The following ZNF417 variants were observed in gnomAD, a reference collection of about 807,000 sequenced individuals.
ZNF417 encodes the protein zinc finger protein 417.
Under a neutral mutation model 7.4 loss-of-function variants are expected in ZNF417, and 5 were observed. The observed-to-expected ratio is 0.68, with a 90% confidence interval of 0.35 to 1.43. The LOEUF (loss-of-function observed/expected upper bound fraction) is 1.43, where lower values mean the gene tolerates loss of function less well. ZNF417 is among the 40% of genes most tolerant of loss of function. The probability of loss-of-function intolerance (pLI) is 0.04; values close to 1 mark genes in which losing one functional copy is unlikely to be tolerated. For synonymous variants in ZNF417, 147 were observed against 239.1 expected (o/e 0.61, Z 3.55); for missense variants, 437 against 697.3 (o/e 0.63, Z 4.20).
chr19:57,914,581 G>A (rs1034418469), intron 1 of ZNF417, among the ~76,000 whole-genome samples: 14 of 149,370 alleles, frequency 9.4e-5, no homozygotes, highest in East Asian at 6.0e-4. Context: ...GATTTGCCAC[G>A]TATCTGATCC....
At position 57,916,077 on chromosome 19, in the gene ZNF417, G is replaced by T. The variant is rs545228858; in HGVS notation, c.33+302C>A. On this transcript the variant is annotated intron_variant, in intron 1 of 2. Transcript: ENST00000312026. Reference sequence around the variant, plus strand: ...CCGGAATGCTAATGGAGACTGATTTGAGTAATAATAAAACTCCTGTCTCCA... The same window carrying T: ...CCGGAATGCTAATGGAGACTGATTTTAGTAATAATAAAACTCCTGTCTCCA... Among the ~76,000 whole-genome samples, 541 of 152,358 alleles carry T rather than the reference G, an allele frequency of 3.6e-3. 3 individuals carry two copies. Among genetic ancestry groups the T allele is most frequent in the Non-Finnish European group, 6.4e-3 (438 of 68,040 alleles).
At chr19:57,911,070 T>C (rs2071894991) in intron 2 of ZNF417, among the ~76,000 whole-genome samples, 1 of 152,222 alleles carries the variant, frequency 6.6e-6, no homozygotes, top group Non-Finnish European at 1.5e-5. Context: ...TAGAAGCATA[T>C]GTCAAGACCA....
chr19:57,908,923 A>G lies in ZNF417; in HGVS notation c.1355T>C (p.Leu452Pro), dbSNP rs1446426398. ...TCCAGTGTGAACTCTCTCATGAACG[A>G]GAAGATGATACTTCCTGTTAAATAA... ...GKLFNRKYHL[L>P]VHERVHTGER... is the part of the protein sequence containing the mutation. The change falls in exon 3 of 3, where the codon CTC becomes CCC. Residue 452 changes from leucine to proline, a missense_variant. Physicochemically the swap from Leu to Pro is moderately conservative, Grantham distance 98. This residue lies in a region of ZNF417 where 233 missense variants were observed against 235.5 expected (regional missense o/e 0.99). Transcript: ENST00000312026. The G allele has an allele frequency of 1.9e-6, 3 of 1,614,022 alleles. No individual in the cohort carries two copies. Among genetic ancestry groups the G allele is most frequent in the African/African-American group, 2.7e-5 (2 of 74,938 alleles).
In ZNF417 at chr19:57,906,722, T is replaced by C. The variant is rs879026085; in HGVS notation, c.*1828A>G. 157 of 106,252 alleles carry C rather than the reference T, an allele frequency of 1.5e-3. 1 individual carries two copies. Among genetic ancestry groups the C allele is most frequent in the African/African-American group, 4.9e-3 (134 of 27,198 alleles). 6.6% of individuals were successfully genotyped at this position (106,252 alleles called of 1,614,324 possible). ...GTTGCAGTGAGCCGAGACCATGCCA[T>C]TGCACTTCAGCCTGGGTGACAGAGT... On this transcript the variant is annotated 3_prime_UTR_variant, in exon 3 of 3. Transcript: ENST00000312026.
Position 57,916,478 on chromosome 19 carries a change from G to A in ZNF417, c.-67C>T. 6.2e-7 allele frequency: 1 copy of A among 1,612,224 alleles called. No individual in the cohort carries two copies. The highest frequency in any genetic ancestry group is 8.5e-7 in the Non-Finnish European group (1 of 1,179,322). ...GTCACGGGGCTGCAGAGCCGCCTCT[G>A]GGCACCGAGGACGATTCCTCTCCAC... is the stretch of plus-strand genomic sequence containing the variant. On this transcript the variant is annotated 5_prime_UTR_variant, in exon 1 of 3. Coordinates refer to ENST00000312026, the MANE Select transcript of ZNF417 (RefSeq NM_152475.3).
rs146519620 is a variant in ZNF417, at chr19:57,916,383, G to C, written c.29C>G (p.Thr10Ser). The part of the protein sequence containing the change: MAAAAPRRP[T>S]QQGTVTFEDV... ...CACAGAAGGCGCCACAATTACCTGA[G>C]TCGGGCGCCTCGGCGCAGCCGCTGC... The change falls in exon 1 of 3, where the codon ACT becomes AGT. Residue 10 changes from threonine (T) to serine (S), a missense_variant. Around this residue, in one of 5 missense-constraint regions of ZNF417, gnomAD observed 57 missense variants for 70.7 expected, o/e 0.81. Coordinates refer to ENST00000312026, the MANE Select transcript of ZNF417 (RefSeq NM_152475.3). The C allele has an allele frequency of 8.7e-3, 14,077 of 1,614,194 alleles. 83 individuals carry two copies. Among genetic ancestry groups the C allele is most frequent in the East Asian group, 0.012 (523 of 44,880 alleles).
In ZNF417 at chr19:57,916,526, T is replaced by C. The variant is rs2071951062; in HGVS notation, c.-115A>G. On this transcript the variant is annotated 5_prime_UTR_variant, in exon 1 of 3. Transcript: ENST00000312026. ...CACCTTCTAGGTTCAGTCACCGCGG[T>C]CCCCCCCCAGCACTCAGGGGCCACA... 5.1e-6 allele frequency: 8 copies of C among 1,559,302 alleles called. No homozygotes were observed. The highest frequency in any genetic ancestry group is 2.3e-5 in the South Asian group (2 of 85,236).
chr19:57,916,588 C>T lies in ZNF417; in HGVS notation c.-177G>A. ...CACCCGCGTCACCGATACACAGCCG[C>T]TACTAGAGACCCCGGAAGTCTCAGC... On this transcript the variant is annotated 5_prime_UTR_variant, in exon 1 of 3. Coordinates refer to ENST00000312026, the MANE Select transcript of ZNF417 (RefSeq NM_152475.3). 2 of 1,460,374 alleles carry T rather than the reference C, an allele frequency of 1.4e-6. No homozygotes were observed. Among genetic ancestry groups the T allele is most frequent in the Non-Finnish European group, 1.8e-6 (2 of 1,109,830 alleles). 90.5% of individuals were successfully genotyped at this position (1,460,374 alleles called of 1,614,324 possible). A position where few individuals can be genotyped will look rare whatever the true frequency, so the allele number is the denominator to read the frequency against.
At chr19:57,914,970 G>A (rs2071934648) in intron 1 of ZNF417, among the ~76,000 whole-genome samples, 2 of 152,112 alleles carry the variant, frequency 1.3e-5, no homozygotes. Flanking sequence ...ACCAATGAGG[G>A]GATTGAACAC....
At chr19:57,915,595 C>A (rs1343008489) in intron 1 of ZNF417, 11 of 387,168 alleles carry the variant, frequency 2.8e-5, no homozygotes, top group African/African-American at 1.7e-4. Context: ...TCCAACCTTT[C>A]AGCTGTCCTT....
rs1432643610 is a variant in ZNF417 at position 57,905,828 on chromosome 19, T to C, written c.*2722A>G. On this transcript the variant is annotated 3_prime_UTR_variant, in exon 3 of 3. Coordinates refer to ENST00000312026, the MANE Select transcript of ZNF417 (RefSeq NM_152475.3). ...TTTTGTACAAAAAAATTTCAACATA[T>C]AAGTTGCATACAAGCAGGAAGATTT... Among the ~76,000 whole-genome samples the C allele has an allele frequency of 1.3e-5, 2 of 152,304 alleles. No homozygotes were observed. The highest frequency in any genetic ancestry group is 2.4e-5 in the African/African-American group (1 of 41,566).
At chr19:57,913,729 C>T (rs2071919710) in intron 1 of ZNF417, among the ~76,000 whole-genome samples, 2 of 152,140 alleles carry the variant, frequency 1.3e-5, no homozygotes, top group African/African-American at 2.4e-5. Flanking sequence ...ACTCTACTGT[C>T]TGATACATCC....
chr19:57,906,490 C>A lies in ZNF417; in HGVS notation c.*2060G>T, dbSNP rs1257391135. 6.6e-6 allele frequency among the ~76,000 whole-genome samples: 1 copy of A among 151,886 alleles called. No homozygotes were observed. The highest frequency in any genetic ancestry group is 1.5e-5 in the Non-Finnish European group (1 of 67,992). On this transcript the variant is annotated 3_prime_UTR_variant, in exon 3 of 3. Coordinates refer to ENST00000312026, the MANE Select transcript of ZNF417 (RefSeq NM_152475.3). Reference sequence around the variant, plus strand: ...AGGATTTCTAGGGATAAGCCGAGTGCCGTGGCAGATGCCTGTAATCCCAGC... The same window carrying A: ...AGGATTTCTAGGGATAAGCCGAGTGACGTGGCAGATGCCTGTAATCCCAGC...
chr19:57,916,579 A>T lies in ZNF417; in HGVS notation c.-168T>A, dbSNP rs1466487829. ...CTGGGGAAACACCCGCGTCACCGAT[A>T]CACAGCCGCTACTAGAGACCCCGGA... On this transcript the variant is annotated 5_prime_UTR_variant, in exon 1 of 3. Transcript: ENST00000312026. 1.4e-6 allele frequency: 2 copies of T among 1,477,800 alleles called. No homozygotes were observed. Among genetic ancestry groups the T allele is most frequent in the African/African-American group, 2.8e-5 (2 of 70,904 alleles). 91.5% of individuals were successfully genotyped at this position (1,477,800 alleles called of 1,614,324 possible). A position where few individuals can be genotyped will look rare whatever the true frequency, so the allele number is the denominator to read the frequency against.
At chr19:57,916,258 C>A (rs2071946769) in intron 1 of ZNF417, 121 bp downstream of exon 1, 2 of 1,570,864 alleles carry the variant, frequency 1.3e-6, no homozygotes, top group Admixed American at 1.9e-5. Flanking sequence ...CTCCTGCGAG[C>A]GCCTCAGTGT....
Position 57,908,708 on chromosome 19 carries a change from C to A in ZNF417, c.1570G>T (p.Glu524Ter). The A allele has an allele frequency of 6.2e-7, 1 of 1,614,134 alleles. No homozygotes were observed. Among genetic ancestry groups the A allele is most frequent in the Non-Finnish European group, 8.5e-7 (1 of 1,180,036 alleles). ...CATTCAGCAAAGGATTTTCCACATT[C>A]ACTGCACTTATAAGGCTTTTGTCCA... The part of the protein sequence containing the change: ...HSGQKPYKCS[E>*]CGKSFAECSS... Residue 524 changes from glutamate to a stop codon, truncating the protein, a stop_gained, in exon 3 of 3, where the codon GAA becomes TAA. Transcript: ENST00000312026. LOFTEE classifies it low-confidence loss of function (END_TRUNC).
chr19:57,916,542 A>T lies in ZNF417; in HGVS notation c.-131T>A, dbSNP rs975130630. Reference sequence around the variant, plus strand: ...TCACCGCGGTCCCCCCCCAGCACTCAGGGGCCACAAACTGGGGAAACACCC... The same window carrying T: ...TCACCGCGGTCCCCCCCCAGCACTCTGGGGCCACAAACTGGGGAAACACCC... On this transcript the variant is annotated 5_prime_UTR_variant, in exon 1 of 3. Transcript: ENST00000312026. 7 of 1,537,372 alleles carry T rather than the reference A, an allele frequency of 4.6e-6. No homozygotes were observed. The highest frequency in any genetic ancestry group is 2.1e-5 in the Admixed American group (1 of 47,110).
rs1363859092 is a variant in ZNF417 at position 57,907,831 on chromosome 19, G to C, written c.*719C>G. ...GCACAGGGACTGGAGATTATCTCCA[G>C]AAAAGAGCTTGGAGTGAGGAAATTA... On this transcript the variant is annotated 3_prime_UTR_variant, in exon 3 of 3. Coordinates refer to ENST00000312026, the MANE Select transcript of ZNF417 (RefSeq NM_152475.3). 6.5e-6 allele frequency: 1 copy of C among 153,168 alleles called. No individual in the cohort carries two copies. Among genetic ancestry groups the C allele is most frequent in the Non-Finnish European group, 1.5e-5 (1 of 68,184 alleles). 9.5% of individuals were successfully genotyped at this position (153,168 alleles called of 1,614,324 possible).
Position 57,908,553 on chromosome 19 carries a change from T to C in ZNF417, c.1725A>G (p.Leu575=). The change falls in exon 3 of 3, where the codon TTA becomes TTG. Residue 575 remains leucine, a synonymous_variant. Transcript: ENST00000312026. ...CGATTTCCCATATTCACTGCACTCA[T>C]AAGGCCTTTCTCCTGTGTGAACTCT... ...HHQSSHRRKA[L] The C allele has an allele frequency of 1.9e-6, 3 of 1,614,232 alleles. No individual in the cohort carries two copies. Among genetic ancestry groups the C allele is most frequent in the South Asian group, 1.1e-5 (1 of 91,084 alleles).
Sources: gnomAD v4.1 joint callset for allele counts (sites outside exome capture counted in the v4.1 genomes callset) on GRCh38, gnomAD v4.1.1 for gene constraint, gnomAD v4.1.1 regional missense constraint, MANE v1.5 for transcripts, NCBI Gene and HGNC (gene_info 2026-07-23, HGNC 2026-07-21) for gene names.